The following PAX6 variants were observed in gnomAD, a reference collection of about 807,000 sequenced individuals.
PAX6 encodes the protein paired box protein Pax-6.
Under a neutral mutation model 60.7 loss-of-function variants are expected in PAX6, and 7 were observed. The ratio of observed to expected loss-of-function variants is 0.12; its 90% confidence interval spans 0.07 to 0.22. The LOEUF (loss-of-function observed/expected upper bound fraction) is 0.22, where lower values mean the gene tolerates loss of function less well. Among genes scored for constraint, PAX6 ranks in the 10% least tolerant of loss-of-function variants. PAX6 has a pLI of 1.00. For missense variants in PAX6, 355 were observed against 555.2 expected, an observed-to-expected ratio of 0.64 and a Z score of 3.62; for synonymous variants, 208 against 201.2, an observed-to-expected ratio of 1.03 and a Z score of -0.29.
chr11:31,813,767 C>T (rs1455487311), upstream of PAX6, among the ~76,000 whole-genome samples: 2 of 152,088 alleles, frequency 1.3e-5, no homozygotes, highest in African/African-American at 4.8e-5. Context: ...GGAGTTCAAC[C>T]CCAGAATGAG....
In PAX6 at chr11:31,800,733, C is replaced by G; in HGVS notation, c.523G>C (p.Gly175Arg). ...GQTGSWGTRP[G>R]WYPGTSVPGQ... The stretch of plus-strand genomic sequence containing the variant: ...GGCACCGAAGTCCCCGGATACCAAC[C>G]AGGGCGGGTGCCCCAGCTTCCGGTC... Residue 175 changes from glycine (G) to arginine (R), a missense_variant, in exon 8 of 14, where the codon GGT becomes CGT. Coordinates refer to ENST00000640368, the MANE Select transcript of PAX6 (RefSeq NM_001368894.2). 1 of 1,614,236 alleles carries G rather than the reference C, an allele frequency of 6.2e-7. No homozygotes were observed. The highest frequency in any genetic ancestry group is 8.5e-7 in the Non-Finnish European group (1 of 1,180,044).
intron 5 of PAX6, 149 bp downstream of exon 5, chr11:31,802,555 G>A: frequency 1.3e-6 from 1 of 752,016 alleles, no homozygotes; most frequent in Non-Finnish European, 2.1e-6. Context: ...AAAGTGGGAA[G>A]GCAGGGGAGT....
chr11:31,803,105 C>G (rs1162689107), intron 4 of PAX6: 2 of 407,796 alleles, frequency 4.9e-6, no homozygotes, highest in African/African-American at 6.4e-5. Context: ...TCGGGCAGCC[C>G]AGTCCAAGCA....
At chr11:31,804,123 G>A (rs1160449756) in intron 4 of PAX6, 4 of 152,206 alleles carry the variant, frequency 2.6e-5, no homozygotes, top group Non-Finnish European at 4.4e-5. Context: ...AAAATATGAT[G>A]AGCCTCTCTG....
rs1186215825 is a variant in PAX6, at chr11:31,800,687, T to G, written c.565+4A>C. 2 of 1,614,098 alleles carry G rather than the reference T, an allele frequency of 1.2e-6. No homozygotes were observed. Among genetic ancestry groups the G allele is most frequent in the Admixed American group, 1.7e-5 (1 of 60,026 alleles). Reference sequence around the variant, plus strand: ...AGCTGCGTGGATGGCTGCTTGGGTTTTACCTTGCGTAGGTTGCCCTGGCAC... The same window carrying G: ...AGCTGCGTGGATGGCTGCTTGGGTTGTACCTTGCGTAGGTTGCCCTGGCAC... On this transcript the variant is annotated splice_donor_region_variant and intron_variant, in intron 8 of 13. Coordinates refer to ENST00000640368, the MANE Select transcript of PAX6 (RefSeq NM_001368894.2).
upstream of PAX6, chr11:31,814,962 T>A (rs1957304612): frequency 6.7e-6 from 1 of 150,136 alleles, no homozygotes; most frequent in South Asian, 2.1e-4. Flanking sequence ...TCCTCAGTCC[T>A]CTTCCGTTCG....
At chr11:31,794,847 G>C (rs1337454469) in intron 8 of PAX6, 59 bp from the exon 9 acceptor site, 1 of 1,528,372 alleles carries the variant, frequency 6.5e-7, no homozygotes, top group Admixed American at 1.7e-5. Flanking sequence ...GCCTCCAAAA[G>C]GGGCCTGGTG....
In PAX6 at chr11:31,816,754, G is replaced by T. The variant is rs1957399619; in HGVS notation, c.-317+1055C>A. On this transcript the variant is annotated intron_variant, in intron 1 of 12. Coordinates refer to the PAX6 transcript ENST00000241001. ...GTCCCAACACCTGTCACAGGTGACT[G>T]AGCTCCGAAGGTGCTCCCAGAAGAC... is the stretch of plus-strand genomic sequence containing the variant. The T allele has an allele frequency of 4.6e-6, 3 of 654,532 alleles. No individual in the cohort carries two copies. In the South Asian group the frequency reaches 5.0e-5, roughly 11 times the overall value. 40.5% of individuals were successfully genotyped at this position (654,532 alleles called of 1,614,324 possible).
intron 8 of PAX6, among the ~76,000 whole-genome samples, chr11:31,797,516 A>G (rs912366223): frequency 6.7e-6 from 1 of 150,270 alleles, no homozygotes; most frequent in African/African-American, 2.4e-5. Flanking sequence ...GGAAAAAAAA[A>G]AAAAAAAAAA....
rs897086082 is a variant in PAX6 at position 31,790,109 on chromosome 11, A to C, written c.1226-90T>G. On this transcript the variant is annotated intron_variant, in intron 13 of 13. Transcript: ENST00000640368. ...ATTTATAGGTTTACAAAAAAAAAAA[A>C]AAAAAAAAAAACTAATACTTTCTAA... 1.9e-5 allele frequency: 15 copies of C among 797,162 alleles called. 1 individual carries two copies. The highest frequency in any genetic ancestry group is 3.0e-5 in the Non-Finnish European group (15 of 492,492). 49.4% of individuals were successfully genotyped at this position (797,162 alleles called of 1,614,324 possible).
chr11:31,809,484 A>G (rs1009163381), intron 2 of PAX6: 3 of 152,244 alleles, frequency 2.0e-5, no homozygotes, highest in Non-Finnish European at 4.4e-5. Flanking sequence ...GAAATCGCTC[A>G]TGAATGAAGA....
intron 8 of PAX6, among the ~76,000 whole-genome samples, chr11:31,798,392 A>G (rs182510640): frequency 2.7e-4 from 34 of 126,486 alleles, no homozygotes; most frequent in African/African-American, 9.9e-4. Context: ...CTGAGACCTA[A>G]CCCCCGCCTT....
chr11:31,790,621 C>G lies in PAX6; in HGVS notation c.1225+89G>C, dbSNP rs995397758. The stretch of plus-strand genomic sequence containing the variant: ...CAAGGAAAGCAAGGAGTTAAACACG[C>G]CCTCCCATAAGACCAGGAGATTCTG... On this transcript the variant is annotated intron_variant, in intron 13 of 13. Coordinates refer to ENST00000640368, the MANE Select transcript of PAX6 (RefSeq NM_001368894.2). The G allele has an allele frequency of 7.6e-6, 12 of 1,586,310 alleles. No homozygotes were observed. In the African/African-American group the frequency reaches 1.3e-4, roughly 18 times the overall value.
chr11:31,816,587 T>A (rs1272098395), intron 1 of PAX6: 1 of 702,598 alleles, frequency 1.4e-6, no homozygotes, highest in Non-Finnish European at 2.6e-6. Context: ...GGCGACCTGC[T>A]CGCCGCCCAG....
In PAX6 at chr11:31,789,297, GAC is replaced by G. The variant is rs1592342258; in HGVS notation, c.*635_*636del. 4.7e-5 allele frequency: 11 copies of G among 234,390 alleles called. No individual in the cohort carries two copies. The South Asian group carries it at 1.7e-3, about 36-fold the overall frequency. 14.5% of individuals were successfully genotyped at this position (234,390 alleles called of 1,614,324 possible). On this transcript the variant is annotated 3_prime_UTR_variant, in exon 14 of 14. Coordinates refer to ENST00000640368, the MANE Select transcript of PAX6 (RefSeq NM_001368894.2). Reference sequence around the variant, plus strand: ...ATAAAACAAATTGGATTATATCGAAGACACACTCTACCTTTTAGCTATCAACT... The same window carrying G: ...ATAAAACAAATTGGATTATATCGAAGACACTCTACCTTTTAGCTATCAACT...
intron 12 of PAX6, chr11:31,791,539 G>T (rs1234925329): frequency 6.4e-6 from 1 of 155,256 alleles, no homozygotes; most frequent in Non-Finnish European, 1.4e-5. Context: ...GCACTGAGGA[G>T]GTAAACCTTT....
At chr11:31,798,548 C>A (rs916878573) in intron 8 of PAX6, among the ~76,000 whole-genome samples, 1 of 152,224 alleles carries the variant, frequency 6.6e-6, no homozygotes, top group African/African-American at 2.4e-5. Flanking sequence ...CCGGTGCCCG[C>A]TACCCCCACG....
Position 31,800,763 on chromosome 11 carries a change from C to T in PAX6, c.493G>A (p.Gly165Arg), listed in dbSNP as rs1299258202. 3 of 1,614,194 alleles carry T rather than the reference C, an allele frequency of 1.9e-6. No individual in the cohort carries two copies. Among genetic ancestry groups the T allele is most frequent in the South Asian group, 2.2e-5 (2 of 91,088 alleles). The change falls in exon 8 of 14, where the codon GGG (glycine) becomes AGG (arginine). Residue 165 changes from glycine to arginine, a missense_variant. Gly to Arg is a moderately radical substitution (Grantham distance 125). Coordinates refer to ENST00000640368, the MANE Select transcript of PAX6 (RefSeq NM_001368894.2). ...GMYDKLRMLN[G>R]QTGSWGTRPG... ...CGGGTGCCCCAGCTTCCGGTCTGCC[C>T]GTTCAACATCCTTAGTTTATCATAC... is the stretch of plus-strand genomic sequence containing the variant.
chr11:31,800,826 G>T lies in PAX6; in HGVS notation c.430C>A (p.Leu144Met). Residue 144 changes from leucine to methionine, a missense_variant, in exon 8 of 14, where the codon CTG (leucine) becomes ATG (methionine). This residue lies in a region of PAX6 where 143 missense variants were observed against 183.6 expected (regional missense o/e 0.78). Coordinates refer to ENST00000640368, the MANE Select transcript of PAX6 (RefSeq NM_001368894.2). ...VSSINRVLRNLASEKQQMGAD... is the reference protein window; with the variant it reads ...VSSINRVLRNMASEKQQMGAD... Reference sequence around the variant, plus strand: ...CCCATCTGTTGCTTTTCGCTAGCCAGGTTGCGAAGAACTCTGTTTATTGAT... The same window carrying T: ...CCCATCTGTTGCTTTTCGCTAGCCATGTTGCGAAGAACTCTGTTTATTGAT... 6.2e-7 allele frequency: 1 copy of T among 1,614,178 alleles called. No homozygotes were observed. The highest frequency in any genetic ancestry group is 8.5e-7 in the Non-Finnish European group (1 of 1,180,036).
Sources: gnomAD v4.1 joint callset for allele counts (sites outside exome capture counted in the v4.1 genomes callset) on GRCh38, gnomAD v4.1.1 for gene constraint, gnomAD v4.1.1 regional missense constraint, MANE v1.5 for transcripts, NCBI Gene and HGNC (gene_info 2026-07-23, HGNC 2026-07-21) for gene names.